Variants in WIPF1 observed in about 807,000 individuals in gnomAD.
The protein encoded by WIPF1 is WAS/WASL interacting protein family member 1.
Under a neutral mutation model 35.4 loss-of-function variants are expected in WIPF1, and 13 were observed. The observed-to-expected ratio is 0.37, with a 90% CI of 0.24 to 0.58. The LOEUF (loss-of-function observed/expected upper bound fraction) is 0.58, where lower values mean the gene tolerates loss of function less well. Among genes scored for constraint, WIPF1 ranks in the 20% least tolerant of loss-of-function variants. The pLI is 0.74. For missense variants in WIPF1, 591 were observed against 667.0 expected (o/e 0.89, Z 1.25); for synonymous variants, 267 against 266.3 (o/e 1.00, Z -0.02).
chr2:174,592,567 C>T (rs1458595451), intron 1 of WIPF1, among the ~76,000 whole-genome samples: 1 of 150,970 alleles, frequency 6.6e-6, no homozygotes. Flanking sequence ...GCTCTCTTGC[C>T]CTCATTATTT....
At position 174,588,697 on chromosome 2, in the gene WIPF1, T is replaced by C. The variant is rs189610937; in HGVS notation, c.-38-3086A>G. ...GGCTGGGGCCAGAGCCAAGGCCAGA[T>C]TGCAGAAATTAGCAGGCAAAAACAA... On this transcript the variant is annotated intron_variant, in intron 1 of 7. Coordinates refer to ENST00000679041, the MANE Select transcript of WIPF1 (RefSeq NM_001375834.1). Among the ~76,000 whole-genome samples the C allele has an allele frequency of 2.1e-4, 32 of 152,240 alleles. 1 individual carries two copies. The highest frequency in any genetic ancestry group is 1.2e-3 in the Admixed American group (18 of 15,304).
intron 1 of WIPF1, among the ~76,000 whole-genome samples, chr2:174,678,265 T>C (rs1046645404): frequency 3.3e-5 from 5 of 152,202 alleles, no homozygotes; most frequent in African/African-American, 1.2e-4. Context: ...AAGAAAAATA[T>C]ATATACCCAT....
intron 1 of WIPF1, among the ~76,000 whole-genome samples, chr2:174,663,405 A>G (rs1004401031): frequency 2.0e-5 from 3 of 152,222 alleles, no homozygotes; most frequent in African/African-American, 7.2e-5. Flanking sequence ...CTTCATTTTA[A>G]CAGACCAGAG....
At chr2:174,628,006 T>C (rs1436644394) in intron 1 of WIPF1, among the ~76,000 whole-genome samples, 2 of 152,100 alleles carry the variant, frequency 1.3e-5, no homozygotes, top group African/African-American at 4.8e-5. Context: ...AGTGGCATTC[T>C]TGGGGAGGGG....
chr2:174,635,626 G>A (rs952515909), intron 1 of WIPF1, among the ~76,000 whole-genome samples: 2 of 151,222 alleles, frequency 1.3e-5, no homozygotes, highest in Admixed American at 1.3e-4. Context: ...TGGTGTGTGG[G>A]AGTCAAATGA....
intron 3 of WIPF1, among the ~76,000 whole-genome samples, chr2:174,578,210 C>T (rs554994940): frequency 7.6e-4 from 115 of 152,270 alleles, no homozygotes; most frequent in Non-Finnish European, 1.4e-3. Flanking sequence ...TCAGACATTG[C>T]CACATATCCC....
At chr2:174,591,615 G>A (rs1369632662) in intron 1 of WIPF1, among the ~76,000 whole-genome samples, 2 of 151,952 alleles carry the variant, frequency 1.3e-5, no homozygotes, top group African/African-American at 4.8e-5. Flanking sequence ...AGAGAACAGA[G>A]TGAAATAATT....
intron 1 of WIPF1, among the ~76,000 whole-genome samples, chr2:174,608,903 G>T (rs1013071137): frequency 6.6e-6 from 1 of 152,142 alleles, no homozygotes. Context: ...GACACTAAAG[G>T]CCCCTCCCTT....
chr2:174,674,539 T>G (rs1688089072), intron 1 of WIPF1, among the ~76,000 whole-genome samples: 1 of 152,200 alleles, frequency 6.6e-6, no homozygotes. Context: ...ACAGAACAAT[T>G]AAGCTCTGTA....
intron 1 of WIPF1, among the ~76,000 whole-genome samples, chr2:174,645,327 C>A (rs754707976): frequency 2.0e-5 from 3 of 152,186 alleles, no homozygotes; most frequent in Non-Finnish European, 4.4e-5. Context: ...CCGTTTCTGA[C>A]TATAAGTCAA....
chr2:174,648,619 T>G (rs2105957931), intron 1 of WIPF1, among the ~76,000 whole-genome samples: 1 of 152,356 alleles, frequency 6.6e-6, no homozygotes, highest in East Asian at 1.9e-4. Context: ...ATTAGCAACA[T>G]GAACTGTAAT....
At chr2:174,574,881 C>A in intron 4 of WIPF1, 1 of 717,230 alleles carries the variant, frequency 1.4e-6, no homozygotes, top group Non-Finnish European at 2.6e-6. Context: ...GGTCACCAGG[C>A]AGATTTCCAG....
intron 1 of WIPF1, among the ~76,000 whole-genome samples, chr2:174,621,125 A>T (rs1686661319): frequency 6.6e-6 from 1 of 152,202 alleles, no homozygotes; most frequent in Non-Finnish European, 1.5e-5. Flanking sequence ...GAAGGACTGG[A>T]GACTCTGAAG....
At chr2:174,591,832 C>G (rs1574815849) in intron 1 of WIPF1, among the ~76,000 whole-genome samples, 2 of 152,296 alleles carry the variant, frequency 1.3e-5, no homozygotes, top group South Asian at 4.1e-4. Flanking sequence ...AGACAACATT[C>G]ACTGATCCCA....
chr2:174,660,975 C>T (rs1042790657), intron 1 of WIPF1, among the ~76,000 whole-genome samples: 4 of 152,238 alleles, frequency 2.6e-5, no homozygotes, highest in Non-Finnish European at 5.9e-5. Context: ...GAACTGAAGT[C>T]AAGAGGGGCG....
chr2:174,614,216 A>G (rs768671432), intron 1 of WIPF1, among the ~76,000 whole-genome samples: 19 of 152,330 alleles, frequency 1.2e-4, no homozygotes, highest in Middle Eastern at 3.4e-3. Context: ...AGCCATTGCT[A>G]ATTAGTAGTT....
At chr2:174,650,092 G>A (rs1413778194) in intron 1 of WIPF1, among the ~76,000 whole-genome samples, 1 of 152,182 alleles carries the variant, frequency 6.6e-6, no homozygotes. Context: ...TTAAGGCAGT[G>A]AGCACCTCAG....
At position 174,564,646 on chromosome 2, in the gene WIPF1, G is replaced by A. The variant is rs16862709; in HGVS notation, c.1457-2044C>T. On this transcript the variant is annotated intron_variant, in intron 7 of 7. Coordinates refer to ENST00000679041, the MANE Select transcript of WIPF1 (RefSeq NM_001375834.1). ...AGATCTAGAGGGTACAGGGAAGATG[G>A]TCTATTACCAATTTAAAAATAGAAA... Among the ~76,000 whole-genome samples the A allele has an allele frequency of 5.0e-3, 756 of 152,136 alleles. 5 individuals are homozygous for A. The highest frequency in any genetic ancestry group is 0.017 in the Middle Eastern group (5 of 294).
intron 3 of WIPF1, 155 bp from the exon 4 acceptor site, chr2:174,575,535 C>T (rs939792698): frequency 1.5e-6 from 2 of 1,370,178 alleles, no homozygotes; most frequent in African/African-American, 1.5e-5. Context: ...GTTCCCTCAG[C>T]TCAGTCAGAA....
Sources: gnomAD v4.1 joint callset for allele counts (sites outside exome capture counted in the v4.1 genomes callset) on GRCh38, gnomAD v4.1.1 for gene constraint, MANE v1.5 for transcripts, NCBI Gene and HGNC (gene_info 2026-07-23, HGNC 2026-07-21) for gene names.